Variants in GABRG3 observed in about 807,000 individuals in gnomAD.
GABRG3 encodes the protein gamma-aminobutyric acid type A receptor subunit gamma3.
A neutral mutation model predicts 48.8 loss-of-function variants in GABRG3; 25 were observed. The ratio of observed to expected loss-of-function variants is 0.51; its 90% CI spans 0.37 to 0.72. The LOEUF is 0.72. Ranked by LOEUF, GABRG3 falls within the 30% of genes least tolerant of loss-of-function variation. The pLI is 0.00. For synonymous variants in GABRG3, 227 were observed against 217.6 expected, an observed-to-expected ratio of 1.04 and a Z score of -0.38; for missense variants, 394 against 577.9, an observed-to-expected ratio of 0.68 and a Z score of 3.26.
At chr15:27,405,790 A>G (rs573374596) in intron 5 of GABRG3, among the ~76,000 whole-genome samples, 27 of 152,114 alleles carry the variant, frequency 1.8e-4, no homozygotes, top group Admixed American at 1.4e-3. Context: ...CTTGGTCTCT[A>G]AATATGATTT....
intron 3 of GABRG3, among the ~76,000 whole-genome samples, chr15:27,187,384 T>G (rs1369200770): frequency 1.2e-4 from 19 of 152,210 alleles, no homozygotes; most frequent in Admixed American, 1.2e-3. Flanking sequence ...GCTTTGGCTA[T>G]TCAGGCCCTT....
intron 3 of GABRG3, chr15:27,271,421 G>T (rs17648940): frequency 7.0e-5 from 27 of 386,484 alleles, no homozygotes; most frequent in African/African-American, 5.0e-4. Context: ...GCGCAAGCTG[G>T]TATGCCAGGT....
At chr15:27,448,834 TA>T (rs56654948) in intron 5 of GABRG3, among the ~76,000 whole-genome samples, 25,934 of 150,064 alleles carry the variant, frequency 0.17, 3,261 homozygotes, top group African/African-American at 0.36. Context: ...CGAAGTTATT[TA>T]AAAAAAAAAC....
chr15:27,258,525 C>G (rs952025354), intron 3 of GABRG3, among the ~76,000 whole-genome samples: 1 of 152,170 alleles, frequency 6.6e-6, no homozygotes, highest in Non-Finnish European at 1.5e-5. Flanking sequence ...TCGGGTTACA[C>G]TGCCAGCCTG....
chr15:26,980,851 T>G (rs1895041543), intron 2 of GABRG3, among the ~76,000 whole-genome samples: 1 of 152,168 alleles, frequency 6.6e-6, no homozygotes, highest in South Asian at 2.1e-4. Context: ...TCCCTTGAGA[T>G]TTTTTTCTTT....
Position 27,480,645 on chromosome 15 carries a change from T to G in GABRG3, c.575-5T>G. 6.2e-7 allele frequency: 1 copy of G among 1,607,330 alleles called. No homozygotes were observed. The highest frequency in any genetic ancestry group is 8.5e-7 in the Non-Finnish European group (1 of 1,176,238). ...CAAGTGCTAATGTTTGCTCTGTGTT[T>G]TTAGATGGCTATCCCAAAGAAGAAA... On this transcript the variant is annotated splice_region_variant and splice_polypyrimidine_tract_variant and intron_variant, in intron 5 of 9. Transcript: ENST00000615808.
At chr15:27,388,178 A>G (rs1425947797) in intron 5 of GABRG3, among the ~76,000 whole-genome samples, 2 of 80,376 alleles carry the variant, frequency 2.5e-5, no homozygotes. Flanking sequence ...AAGGAAGGAA[A>G]GGAGGGAGGG....
intron 3 of GABRG3, among the ~76,000 whole-genome samples, chr15:27,071,442 T>TGCAGCAACGAC (rs747855256): frequency 1.8e-4 from 27 of 152,192 alleles, no homozygotes; most frequent in Non-Finnish European, 3.7e-4. Flanking sequence ...TGCTGGTAAA[T>TGCAGCAACGAC]GCAGCAACGA....
chr15:27,097,480 T>G (rs1225981806), intron 3 of GABRG3, among the ~76,000 whole-genome samples: 1 of 152,138 alleles, frequency 6.6e-6, no homozygotes, highest in Non-Finnish European at 1.5e-5. Flanking sequence ...CTTCCCTCCC[T>G]CCTTTACTTC....
intron 3 of GABRG3, among the ~76,000 whole-genome samples, chr15:27,306,858 CAAT>C (rs1566769230): frequency 3.9e-5 from 3 of 76,252 alleles, no homozygotes; most frequent in African/African-American, 1.9e-4. Flanking sequence ...TATAAACATA[CAAT>C]ATAAACATGT....
At chr15:27,518,160 G>A (rs1051195012) in intron 6 of GABRG3, among the ~76,000 whole-genome samples, 1 of 122,374 alleles carries the variant, frequency 8.2e-6, no homozygotes, top group African/African-American at 3.2e-5. Flanking sequence ...AGACCAGCAT[G>A]ATCAACATGT....
intron 3 of GABRG3, among the ~76,000 whole-genome samples, chr15:27,182,907 C>CT (rs1244428694): frequency 6.6e-6 from 1 of 152,138 alleles, no homozygotes; most frequent in East Asian, 1.9e-4. Flanking sequence ...CAAAATCATC[C>CT]TTTGATAGCT....
At chr15:27,442,583 C>A (rs572934159) in intron 5 of GABRG3, among the ~76,000 whole-genome samples, 1 of 152,336 alleles carries the variant, frequency 6.6e-6, no homozygotes, top group African/African-American at 2.4e-5. Flanking sequence ...AAACCAGGCA[C>A]CCTGGCAGCT....
intron 3 of GABRG3, among the ~76,000 whole-genome samples, chr15:27,235,219 T>C (rs79617243): frequency 0.02 from 2,965 of 151,970 alleles, 46 homozygotes; most frequent in Middle Eastern, 0.058. Flanking sequence ...TAAAACATAA[T>C]GTCCGCCAAA....
chr15:27,072,524 G>A (rs754399552), intron 3 of GABRG3, among the ~76,000 whole-genome samples: 1 of 152,164 alleles, frequency 6.6e-6, no homozygotes, highest in Non-Finnish European at 1.5e-5. Context: ...TTTTATTAGG[G>A]TATGCTAATT....
intron 3 of GABRG3, among the ~76,000 whole-genome samples, chr15:27,104,208 G>A (rs12593065): frequency 0.51 from 76,958 of 152,086 alleles, 20,095 homozygotes; most frequent in African/African-American, 0.64. Context: ...TAGCTATTCT[G>A]CCTCAAAACA....
intron 3 of GABRG3, among the ~76,000 whole-genome samples, chr15:27,309,711 C>T (rs1047579433): frequency 9.9e-5 from 15 of 151,908 alleles, no homozygotes; most frequent in African/African-American, 3.6e-4. Flanking sequence ...TTGTAAATTG[C>T]AGGTTGAAAT....
At chr15:27,111,436 C>G (rs1283897390) in intron 3 of GABRG3, among the ~76,000 whole-genome samples, 1 of 152,078 alleles carries the variant, frequency 6.6e-6, no homozygotes, top group Non-Finnish European at 1.5e-5. Context: ...ATTGATGTGC[C>G]TTGTACTTTT....
At chr15:27,174,790 T>C (rs622959) in intron 3 of GABRG3, among the ~76,000 whole-genome samples, 46,101 of 152,018 alleles carry the variant, frequency 0.3, 9,090 homozygotes, top group African/African-American at 0.55. Flanking sequence ...TAGTGGTCCT[T>C]GGGCATCACA....
Sources: gnomAD v4.1 joint callset for allele counts (sites outside exome capture counted in the v4.1 genomes callset) on GRCh38, gnomAD v4.1.1 for gene constraint, MANE v1.5 for transcripts, NCBI Gene and HGNC (gene_info 2026-07-23, HGNC 2026-07-21) for gene names.